Variants in LRRC7 observed in about 807,000 individuals in gnomAD.
The protein encoded by LRRC7 is leucine-rich repeat-containing protein 7.
In LRRC7, 23 loss-of-function variants were observed where a neutral mutation model predicts 175.7. The ratio of observed to expected loss-of-function variants is 0.13; its 90% CI spans 0.09 to 0.19. The LOEUF is 0.19. Ranked by LOEUF, LRRC7 falls within the 10% of genes least tolerant of loss-of-function variation. The probability of loss-of-function intolerance (pLI) is 1.00; values close to 1 mark genes in which losing one functional copy is unlikely to be tolerated. For synonymous variants in LRRC7, 685 were observed against 680.9 expected, an observed-to-expected ratio of 1.01 and a Z score of -0.09; for missense variants, 1,354 against 1,904.7, an observed-to-expected ratio of 0.71 and a Z score of 5.38.
intron 3 of LRRC7, among the ~76,000 whole-genome samples, chr1:69,777,881 C>T (rs982642615): frequency 9.9e-5 from 15 of 152,094 alleles, no homozygotes; most frequent in African/African-American, 3.6e-4. Flanking sequence ...CAACAGTGAC[C>T]CATTCCAAAT....
Position 69,888,597 on chromosome 1 carries a change from G to A in LRRC7, c.648-42910G>A, listed in dbSNP as rs61782599. ...GTCTTCTGCGTCGCTCACGCTGGGAGCTGTATACCGGAGCTGTTCCTATTC... is the reference window on the plus strand; with the variant it reads ...GTCTTCTGCGTCGCTCACGCTGGGAACTGTATACCGGAGCTGTTCCTATTC... On this transcript the variant is annotated intron_variant, in intron 7 of 26. Coordinates refer to ENST00000651989, the MANE Select transcript of LRRC7 (RefSeq NM_001370785.2). Among the ~76,000 whole-genome samples, 1,208 of 152,278 alleles carry A rather than the reference G, an allele frequency of 7.9e-3. 11 individuals are homozygous for A. The highest frequency in any genetic ancestry group is 0.027 in the Middle Eastern group (8 of 294).
intron 2 of LRRC7, among the ~76,000 whole-genome samples, chr1:69,708,997 A>G (rs758758033): frequency 3.3e-5 from 5 of 152,186 alleles, no homozygotes; most frequent in Non-Finnish European, 5.9e-5. Context: ...AATATTTCTG[A>G]AATATTATCC....
At chr1:69,844,608 C>T (rs868346796) in intron 7 of LRRC7, among the ~76,000 whole-genome samples, 1 of 152,036 alleles carries the variant, frequency 6.6e-6, no homozygotes, top group Non-Finnish European at 1.5e-5. Context: ...TAAGTTGATT[C>T]CATATCTTGG....
chr1:69,754,603 G>T (rs1257904160), intron 2 of LRRC7, among the ~76,000 whole-genome samples: 2 of 151,996 alleles, frequency 1.3e-5, no homozygotes, highest in African/African-American at 4.8e-5. Flanking sequence ...ATGTATTCTA[G>T]TATTTTACAG....
Position 69,568,257 on chromosome 1 carries a change from G to A in LRRC7, c.-383G>A, listed in dbSNP as rs1396557721. The A allele has an allele frequency of 4.8e-5, 10 of 208,502 alleles. No individual in the cohort carries two copies. In the East Asian group the frequency reaches 1.6e-3, roughly 32 times the overall value. 12.9% of individuals were successfully genotyped at this position (208,502 alleles called of 1,614,324 possible). The stretch of plus-strand genomic sequence containing the variant: ...TTGTCTGTGGAGCCTTCTGGGGGCG[G>A]GGAGGGAGCTGCGCCTCCGCCACCG... On this transcript the variant is annotated 5_prime_UTR_variant, in exon 1 of 27. Transcript: ENST00000651989.
intron 8 of LRRC7, among the ~76,000 whole-genome samples, chr1:69,955,603 A>G (rs1019998035): frequency 2.6e-5 from 4 of 152,044 alleles, no homozygotes; most frequent in Non-Finnish European, 5.9e-5. Flanking sequence ...ATAAGGAAAT[A>G]TATTGTTTAA....
intron 2 of LRRC7, among the ~76,000 whole-genome samples, chr1:69,746,008 C>T (rs965934735): frequency 1.3e-5 from 2 of 151,368 alleles, no homozygotes; most frequent in Non-Finnish European, 2.9e-5. Flanking sequence ...TATTTTTTGC[C>T]TCTGTGCCAG....
rs145174689 is a variant in LRRC7, at chr1:69,759,419, C to T, written c.101-772C>T. On this transcript the variant is annotated intron_variant, in intron 2 of 26. Coordinates refer to ENST00000651989, the MANE Select transcript of LRRC7 (RefSeq NM_001370785.2). ...TTGAAGGTGCCATGATAAAAGTCTT[C>T]GCAAAATTTCATGGCATTTGGTCAG... Among the ~76,000 whole-genome samples the T allele has an allele frequency of 3.4e-4, 51 of 151,998 alleles. 1 individual carries two copies. Among genetic ancestry groups the T allele is most frequent in the South Asian group, 1.0e-3 (5 of 4,822 alleles).
rs746398187 is a variant in LRRC7 at position 69,983,582 on chromosome 1, C to T, written c.787-2660C>T. Among the ~76,000 whole-genome samples, 53 of 152,312 alleles carry T rather than the reference C, an allele frequency of 3.5e-4. 1 individual carries two copies. Among genetic ancestry groups the T allele is most frequent in the Middle Eastern group, 3.4e-3 (1 of 294 alleles). On this transcript the variant is annotated intron_variant, in intron 9 of 26. Transcript: ENST00000651989. Reference sequence around the variant, plus strand: ...TCATCCACGGTCATAACCCCATTCCCAGAGACCTCCATCCAATGATCAGTC... The same window carrying T: ...TCATCCACGGTCATAACCCCATTCCTAGAGACCTCCATCCAATGATCAGTC...
chr1:69,598,881 G>T (rs1646943496), intron 1 of LRRC7, among the ~76,000 whole-genome samples: 1 of 152,138 alleles, frequency 6.6e-6, no homozygotes, highest in Non-Finnish European at 1.5e-5. Flanking sequence ...TATTCACTTT[G>T]TTCCCATTTG....
intron 7 of LRRC7, among the ~76,000 whole-genome samples, chr1:69,919,094 T>C (rs1387790167): frequency 6.6e-6 from 1 of 152,060 alleles, no homozygotes; most frequent in African/African-American, 2.4e-5. Context: ...TACACTAATA[T>C]AAAGGTAAGA....
chr1:70,052,736 T>C (rs1660841745), intron 22 of LRRC7, among the ~76,000 whole-genome samples: 1 of 152,148 alleles, frequency 6.6e-6, no homozygotes, highest in African/African-American at 2.4e-5. Context: ...AATTGGTTAA[T>C]TTTATTCTGA....
At chr1:69,771,058 G>A (rs943846523) in intron 3 of LRRC7, among the ~76,000 whole-genome samples, 3 of 152,028 alleles carry the variant, frequency 2.0e-5, no homozygotes, top group African/African-American at 7.2e-5. Flanking sequence ...ACTACATCCA[G>A]GACAAAACTA....
intron 5 of LRRC7, among the ~76,000 whole-genome samples, chr1:69,832,636 T>C (rs1438499195): frequency 6.6e-6 from 1 of 152,012 alleles, no homozygotes; most frequent in African/African-American, 2.4e-5. Flanking sequence ...CATGGAAAAA[T>C]GGTGGAACTA....
At chr1:70,011,445 A>G (rs1656499210) in intron 11 of LRRC7, among the ~76,000 whole-genome samples, 1 of 151,818 alleles carries the variant, frequency 6.6e-6, no homozygotes, top group African/African-American at 2.4e-5. Context: ...TGCCCTCTCC[A>G]CCCTTCTCCT....
At chr1:70,078,818 ACACACG>A (rs761834960) in intron 24 of LRRC7, among the ~76,000 whole-genome samples, 9,527 of 140,698 alleles carry the variant, frequency 0.068, 351 homozygotes, top group South Asian at 0.16. Context: ...GCGCACACAC[ACACACG>A]CACACACACA....
chr1:69,764,786 CAGACAGAT>C (rs1307626679), intron 3 of LRRC7, among the ~76,000 whole-genome samples: 10 of 128,656 alleles, frequency 7.8e-5, no homozygotes, highest in Admixed American at 1.6e-4. Flanking sequence ...GATAGACAGA[CAGACAGAT>C]AGATAACTGG....
At chr1:70,078,289 C>T (rs1192273604) in intron 24 of LRRC7, among the ~76,000 whole-genome samples, 2 of 152,172 alleles carry the variant, frequency 1.3e-5, no homozygotes, top group Admixed American at 1.3e-4. Context: ...AACTATGTTA[C>T]CTGTCATCCC....
At chr1:69,845,462 T>C (rs1557802445) in intron 7 of LRRC7, among the ~76,000 whole-genome samples, 1 of 152,140 alleles carries the variant, frequency 6.6e-6, no homozygotes, top group Non-Finnish European at 1.5e-5. Context: ...TATTCTTTTT[T>C]AATAAGATTA....
Sources: gnomAD v4.1 joint callset for allele counts (sites outside exome capture counted in the v4.1 genomes callset) on GRCh38, gnomAD v4.1.1 for gene constraint, MANE v1.5 for transcripts, NCBI Gene and HGNC (gene_info 2026-07-23, HGNC 2026-07-21) for gene names.